The following EML6 variants were observed in gnomAD, a reference collection of about 807,000 sequenced individuals.
EML6 encodes the protein echinoderm microtubule-associated protein-like 6.
EML6 carries 154 observed loss-of-function variants against 240.1 expected under a neutral mutation model. The ratio of observed to expected loss-of-function variants is 0.64; its 90% confidence interval spans 0.56 to 0.73. EML6 has a LOEUF of 0.73. Ranked by LOEUF, EML6 falls within the 30% of genes least tolerant of loss-of-function variation. The pLI is 0.00. For missense variants in EML6, 2,964 were observed against 2,474.6 expected, an observed-to-expected ratio of 1.20 and a Z score of -4.20; for synonymous variants, 1,148 against 899.0, an observed-to-expected ratio of 1.28 and a Z score of -4.95.
chr2:54,735,784 G>C (rs113594799), intron 2 of EML6, among the ~76,000 whole-genome samples: 1 of 152,218 alleles, frequency 6.6e-6, no homozygotes, highest in East Asian at 1.9e-4. Context: ...TTGAAAATCT[G>C]TTGAAGTGTT....
chr2:54,959,441 A>G (rs1676393733), intron 34 of EML6, among the ~76,000 whole-genome samples, 180 bp downstream of exon 34: 1 of 152,174 alleles, frequency 6.6e-6, no homozygotes, highest in East Asian at 1.9e-4. Flanking sequence ...CAAGGAAGAG[A>G]GGAGTGCAGA....
intron 2 of EML6, among the ~76,000 whole-genome samples, chr2:54,735,400 A>T (rs1201101354): frequency 1.3e-5 from 2 of 152,248 alleles, no homozygotes; most frequent in Non-Finnish European, 2.9e-5. Context: ...TAGGGGTGAG[A>T]TTTCTATAGA....
intron 2 of EML6, among the ~76,000 whole-genome samples, chr2:54,781,888 T>C (rs1558543330): frequency 6.6e-6 from 1 of 152,170 alleles, no homozygotes; most frequent in Non-Finnish European, 1.5e-5. Flanking sequence ...GGGCTGGTCT[T>C]GAACTCCTGG....
intron 5 of EML6, among the ~76,000 whole-genome samples, chr2:54,825,756 A>AC (rs906730614): frequency 2.0e-5 from 3 of 151,724 alleles, no homozygotes; most frequent in Admixed American, 1.3e-4. Context: ...ACAGCCCCCC[A>AC]CCCCCAGCTG....
rs552690994 is a variant in EML6 at position 54,931,322 on chromosome 2, T to A, written c.4004+2571T>A. Among the ~76,000 whole-genome samples, 20 of 152,186 alleles carry A rather than the reference T, an allele frequency of 1.3e-4. No individual in the cohort carries two copies. The South Asian group carries it at 2.3e-3, about 17-fold the overall frequency. On this transcript the variant is annotated intron_variant, in intron 28 of 41. Transcript: ENST00000356458. Reference sequence around the variant, plus strand: ...GGCAAGGCAGGGCATTTGGGGAATTTGAGAGAAAGCAGGATGAGTGATGGA... The same window carrying A: ...GGCAAGGCAGGGCATTTGGGGAATTAGAGAGAAAGCAGGATGAGTGATGGA...
At chr2:54,804,651 A>T (rs1376783424) in intron 2 of EML6, among the ~76,000 whole-genome samples, 1 of 152,196 alleles carries the variant, frequency 6.6e-6, no homozygotes, top group Non-Finnish European at 1.5e-5. Context: ...TTTTGTTTTA[A>T]TCTTTGTATT....
At chr2:54,874,327 G>A (rs115534282) in intron 16 of EML6, among the ~76,000 whole-genome samples, 2 of 152,144 alleles carry the variant, frequency 1.3e-5, no homozygotes, top group African/African-American at 4.8e-5. Context: ...TCAGTGCCTG[G>A]GTAGAGAAAT....
intron 2 of EML6, among the ~76,000 whole-genome samples, chr2:54,746,235 C>A (rs1257504333): frequency 2.0e-5 from 3 of 152,146 alleles, no homozygotes; most frequent in South Asian, 2.1e-4. Context: ...CTAATAGGCA[C>A]CTATTCTGGG....
intron 2 of EML6, among the ~76,000 whole-genome samples, chr2:54,783,802 T>G (rs1291714080): frequency 6.6e-6 from 1 of 152,224 alleles, no homozygotes; most frequent in Non-Finnish European, 1.5e-5. Context: ...ACTATAAATA[T>G]GTATCATTGA....
In EML6 at chr2:54,813,373, T is replaced by G; in HGVS notation, c.339T>G (p.Ala113=). ...DVHTHGVACL[A]FDSDGQRLAS... The stretch of plus-strand genomic sequence containing the variant: ...ATACACATGGAGTTGCCTGCCTGGC[T>G]TTTGACTCAGATGGACAGGTGTGTA... The change falls in exon 3 of 42, where the codon GCT becomes GCG. Residue 113 remains alanine, a synonymous_variant. Transcript: ENST00000356458. 6.4e-7 allele frequency: 1 copy of G among 1,551,588 alleles called. No homozygotes were observed. Among genetic ancestry groups the G allele is most frequent in the Non-Finnish European group, 8.7e-7 (1 of 1,146,798 alleles).
chr2:54,840,519 A>G (rs932516127), intron 7 of EML6, among the ~76,000 whole-genome samples: 1 of 152,186 alleles, frequency 6.6e-6, no homozygotes, highest in Non-Finnish European at 1.5e-5. Flanking sequence ...GTAGGGGCCT[A>G]TCTTGTTCAC....
intron 21 of EML6, among the ~76,000 whole-genome samples, chr2:54,897,955 T>C (rs1672855973): frequency 1.3e-5 from 2 of 152,266 alleles, no homozygotes; most frequent in Admixed American, 1.3e-4. Flanking sequence ...TGGGCTGTCC[T>C]GCCGGAAGAA....
intron 25 of EML6, among the ~76,000 whole-genome samples, chr2:54,912,875 T>A (rs993570420): frequency 2.6e-5 from 4 of 152,164 alleles, no homozygotes; most frequent in African/African-American, 9.7e-5. Flanking sequence ...AATATATGAG[T>A]ACATGTGTCT....
intron 17 of EML6, among the ~76,000 whole-genome samples, chr2:54,884,286 C>G (rs1573066038): frequency 1.3e-5 from 2 of 152,162 alleles, no homozygotes; most frequent in Admixed American, 6.5e-5. Context: ...GGGCACAGAG[C>G]TTCCATGGCC....
chr2:54,839,861 G>C (rs1050083298), intron 7 of EML6, among the ~76,000 whole-genome samples: 2 of 148,990 alleles, frequency 1.3e-5, no homozygotes, highest in African/African-American at 5.1e-5. Flanking sequence ...GAAGGTTTTG[G>C]TCTTTGTTCC....
intron 26 of EML6, among the ~76,000 whole-genome samples, chr2:54,917,187 G>C (rs1573137407): frequency 6.6e-6 from 1 of 152,134 alleles, no homozygotes; most frequent in Non-Finnish European, 1.5e-5. Context: ...TGCAAAGTAA[G>C]TGTTACCTTT....
intron 21 of EML6, among the ~76,000 whole-genome samples, chr2:54,896,321 C>G (rs953786492): frequency 1.1e-4 from 17 of 152,154 alleles, no homozygotes; most frequent in Admixed American, 3.3e-4. Context: ...CACCTGTGCC[C>G]CTTTGGAATG....
rs1010326120 is a variant in EML6, at chr2:54,971,968, A to C, written c.*1873A>C. ...TGGTGCATGAATTTATTTTCAAAGT[A>C]TAAAACACATCACTTAAACATTTTA... is the stretch of plus-strand genomic sequence containing the variant. On this transcript the variant is annotated 3_prime_UTR_variant, in exon 42 of 42. Coordinates refer to ENST00000356458, the MANE Select transcript of EML6 (RefSeq NM_001039753.4). 6.6e-6 allele frequency: 1 copy of C among 152,268 alleles called. No individual in the cohort carries two copies. The highest frequency in any genetic ancestry group is 6.5e-5 in the Admixed American group (1 of 15,288). The allele number at this position is 152,268 out of a possible 1,614,324, so 9.4% of individuals were successfully genotyped here.
intron 6 of EML6, among the ~76,000 whole-genome samples, chr2:54,829,092 C>T (rs1668736521): frequency 6.6e-6 from 1 of 152,112 alleles, no homozygotes; most frequent in African/African-American, 2.4e-5. Context: ...TTTTTTTAAA[C>T]TGTAATCTTT....
Sources: allele counts gnomAD v4.1 joint callset (sites outside exome capture counted in the v4.1 genomes callset), GRCh38; gene constraint gnomAD v4.1.1; transcripts MANE v1.5; gene names NCBI Gene and HGNC (gene_info 2026-07-23, HGNC 2026-07-21).